Variants in RBM24 observed in about 807,000 individuals in gnomAD.
RBM24 encodes the protein RNA binding motif protein 24.
RBM24 carries 5 observed loss-of-function variants against 23.6 expected under a neutral mutation model. The ratio of observed to expected loss-of-function variants is 0.21; its 90% CI spans 0.11 to 0.45. The LOEUF (loss-of-function observed/expected upper bound fraction) is 0.45. Ranked by LOEUF, RBM24 falls within the 20% of genes least tolerant of loss-of-function variation. RBM24 has a pLI of 0.99. For missense variants in RBM24, 252 were observed against 314.6 expected (o/e 0.80, Z 1.51); for synonymous variants, 151 against 129.5 (o/e 1.17, Z -1.13).
intron 2 of RBM24, 30 bp downstream of exon 2, chr6:17,282,958 T>C: frequency 6.6e-7 from 1 of 1,523,800 alleles, no homozygotes; most frequent in Non-Finnish European, 9.1e-7. Context: ...CCTACCCCCC[T>C]CTCCAAGAAC....
At chr6:17,284,787 A>T (rs1399454138) in intron 3 of RBM24, 76 bp downstream of exon 3, 1 of 1,069,248 alleles carries the variant, frequency 9.4e-7, no homozygotes, top group East Asian at 2.5e-5. Flanking sequence ...TTATATACAG[A>T]TAAGATCATG....
Position 17,281,445 on chromosome 6 carries a change from C to A in RBM24, c.-137C>A, listed in dbSNP as rs1760009496. On this transcript the variant is annotated 5_prime_UTR_variant, in exon 1 of 4. Coordinates refer to ENST00000379052, the MANE Select transcript of RBM24 (RefSeq NM_001143942.2). This position sits in a 1 kb window ranked among gnomAD's most constrained non-coding sequence, Gnocchi z 7.1. The stretch of plus-strand genomic sequence containing the variant: ...CGGCCGCTCGCCCCCGCCGCGCCGC[C>A]GCCCTCGCCCCCGGGCTCGCCCTTG... 3 of 558,036 alleles carry A rather than the reference C, an allele frequency of 5.4e-6. No homozygotes were observed. Among genetic ancestry groups the A allele is most frequent in the Non-Finnish European group, 6.9e-6 (3 of 436,398 alleles). 34.6% of individuals were successfully genotyped at this position (558,036 alleles called of 1,614,324 possible).
chr6:17,284,717 T>C lies in RBM24; in HGVS notation c.347+6T>C. 3 of 1,609,058 alleles carry C rather than the reference T, an allele frequency of 1.9e-6. No homozygotes were observed. Among genetic ancestry groups the C allele is most frequent in the Non-Finnish European group, 8.5e-7 (1 of 1,177,420 alleles). On this transcript the variant is annotated splice_donor_region_variant and intron_variant, in intron 3 of 3. Transcript: ENST00000379052. ...CTTATACAAAGACCTTTCGGGTAAG[T>C]TGATTAATCAGGCTTTCTTAAGTTT...
intron 3 of RBM24, chr6:17,289,963 G>C (rs1760305346): frequency 7.8e-7 from 1 of 1,289,154 alleles, no homozygotes; most frequent in East Asian, 5.6e-5. Context: ...GTGTGTGCAT[G>C]ACCACGCGCC....
chr6:17,291,953 C>G lies in RBM24; in HGVS notation c.545C>G (p.Pro182Arg). Reference sequence around the variant, plus strand: ...GACCAGTACCCCTATGCAGCCTCTCCAGCTGCTGCAGGATATGTTACTGCT... The same window carrying G: ...GACCAGTACCCCTATGCAGCCTCTCGAGCTGCTGCAGGATATGTTACTGCT... Reference protein sequence around the residue: ...AYDQYPYAASPAAAGYVTAGG... With the variant: ...AYDQYPYAASRAAAGYVTAGG... The change falls in exon 4 of 4, where the codon CCA (proline) becomes CGA (arginine). Residue 182 changes from proline (P) to arginine (R), a missense_variant. Coordinates refer to ENST00000379052, the MANE Select transcript of RBM24 (RefSeq NM_001143942.2). The G allele has an allele frequency of 6.2e-7, 1 of 1,612,348 alleles. No individual in the cohort carries two copies. The highest frequency in any genetic ancestry group is 8.5e-7 in the Non-Finnish European group (1 of 1,179,610).
chr6:17,284,781 A>G (rs1581430612), intron 3 of RBM24, 70 bp downstream of exon 3: 3 of 1,142,768 alleles, frequency 2.6e-6, no homozygotes, highest in South Asian at 2.9e-5. Flanking sequence ...TCTTTGTTAT[A>G]TACAGATAAG....
rs536730271 is a variant in RBM24, at chr6:17,290,906, G to A, written c.348-850G>A. 8.6e-6 allele frequency: 11 copies of A among 1,284,254 alleles called. No homozygotes were observed. The African/African-American group carries it at 1.1e-4, about 12-fold the overall frequency. 79.6% of individuals were successfully genotyped at this position (1,284,254 alleles called of 1,614,324 possible). A position where few individuals can be genotyped will look rare whatever the true frequency, so the allele number is the denominator to read the frequency against. ...GATAGTCAAACAGGTTTGGTTGACC[G>A]TTGTGTCCTTATGAATTTTATGGGG... is the stretch of plus-strand genomic sequence containing the variant. On this transcript the variant is annotated intron_variant, in intron 3 of 3. Coordinates refer to ENST00000379052, the MANE Select transcript of RBM24 (RefSeq NM_001143942.2).
At position 17,281,863 on chromosome 6, in the gene RBM24, G is replaced by T; in HGVS notation, c.168+114G>T. 7.1e-7 allele frequency: 1 copy of T among 1,412,152 alleles called. No individual in the cohort carries two copies. Among genetic ancestry groups the T allele is most frequent in the Admixed American group, 2.3e-5 (1 of 43,706 alleles). 87.5% of individuals were successfully genotyped at this position (1,412,152 alleles called of 1,614,324 possible). A position where few individuals can be genotyped will look rare whatever the true frequency, so the allele number is the denominator to read the frequency against. Reference sequence around the variant, plus strand: ...ACCCGTGAGGAGCCCCGCGGGTAGAGCGGCGCTGCCCCTTCGCTCCGGGGT... The same window carrying T: ...ACCCGTGAGGAGCCCCGCGGGTAGATCGGCGCTGCCCCTTCGCTCCGGGGT... On this transcript the variant is annotated intron_variant, in intron 1 of 3. Transcript: ENST00000379052. The surrounding 1 kb of genome is among the most constrained non-coding windows in gnomAD (Gnocchi z 7.1).
chr6:17,287,296 G>A (rs1177064534), intron 3 of RBM24, among the ~76,000 whole-genome samples: 1 of 152,192 alleles, frequency 6.6e-6, no homozygotes, highest in Non-Finnish European at 1.5e-5. Context: ...TAACTGAACT[G>A]TTCCTTTGAA....
Position 17,281,633 on chromosome 6 carries a change from C to T in RBM24, c.52C>T (p.Leu18=). Residue 18 remains leucine (L), a synonymous_variant, in exon 1 of 4, where the codon CTG becomes TTG. Coordinates refer to ENST00000379052, the MANE Select transcript of RBM24 (RefSeq NM_001143942.2). The surrounding 1 kb of genome is among the most constrained non-coding windows in gnomAD (Gnocchi z 7.1). ...GTACACCAAGATCTTCGTCGGGGGG[C>T]TGCCCTACCACACCACCGACGCCAG... ...TTYTKIFVGG[L]PYHTTDASLR... The T allele has an allele frequency of 6.5e-7, 1 of 1,549,442 alleles. No individual in the cohort carries two copies. Among genetic ancestry groups the T allele is most frequent in the South Asian group, 1.2e-5 (1 of 83,972 alleles).
chr6:17,292,220 A>G lies in RBM24; in HGVS notation c.*101A>G, dbSNP rs1760391889. 2.6e-6 allele frequency: 3 copies of G among 1,132,340 alleles called. No individual in the cohort carries two copies. Among genetic ancestry groups the G allele is most frequent in the Non-Finnish European group, 3.6e-6 (3 of 828,614 alleles). The allele number at this position is 1,132,340 out of a possible 1,614,324, so 70.1% of individuals were successfully genotyped here. A position where few individuals can be genotyped will look rare whatever the true frequency, so the allele number is the denominator to read the frequency against. ...GTTAACATTGACTTAACAGCTTTAAAAAAAAAAACAGCCATGCTATTGTGA... is the reference window on the plus strand; with the variant it reads ...GTTAACATTGACTTAACAGCTTTAAGAAAAAAAACAGCCATGCTATTGTGA... On this transcript the variant is annotated 3_prime_UTR_variant, in exon 4 of 4. Coordinates refer to ENST00000379052, the MANE Select transcript of RBM24 (RefSeq NM_001143942.2).
At position 17,293,747 on chromosome 6, in the gene RBM24, C is replaced by T. The variant is rs961046466; in HGVS notation, c.*1628C>T. On this transcript the variant is annotated 3_prime_UTR_variant, in exon 4 of 4. Coordinates refer to ENST00000379052, the MANE Select transcript of RBM24 (RefSeq NM_001143942.2). Reference sequence around the variant, plus strand: ...TGGATTTACTTTAAGTATTCCCATACTAGACAGTGTTATGTAATGTAGACA... The same window carrying T: ...TGGATTTACTTTAAGTATTCCCATATTAGACAGTGTTATGTAATGTAGACA... 1.3e-5 allele frequency: 2 copies of T among 152,598 alleles called. No homozygotes were observed. Among genetic ancestry groups the T allele is most frequent in the African/African-American group, 2.4e-5 (1 of 41,442 alleles). 9.5% of individuals were successfully genotyped at this position (152,598 alleles called of 1,614,324 possible).
Position 17,281,896 on chromosome 6 carries a change from A to G in RBM24, c.168+147A>G, listed in dbSNP as rs1760027885. 1 of 1,363,678 alleles carries G rather than the reference A, an allele frequency of 7.3e-7. No homozygotes were observed. The highest frequency in any genetic ancestry group is 9.9e-7 in the Non-Finnish European group (1 of 1,006,442). 84.5% of individuals were successfully genotyped at this position (1,363,678 alleles called of 1,614,324 possible). A position where few individuals can be genotyped will look rare whatever the true frequency, so the allele number is the denominator to read the frequency against. On this transcript the variant is annotated intron_variant, in intron 1 of 3. Coordinates refer to ENST00000379052, the MANE Select transcript of RBM24 (RefSeq NM_001143942.2). This position sits in a 1 kb window ranked among gnomAD's most constrained non-coding sequence, Gnocchi z 7.1. ...GCCCCTTCGCTCCGGGGTGAACTGA[A>G]ACTTTGCTAGGGGAGAGGGTCGGCG... is the stretch of plus-strand genomic sequence containing the variant.
chr6:17,292,201 A>G lies in RBM24; in HGVS notation c.*82A>G. ...TTTAGTAGCTAATAAGAGAGTTAAC[A>G]TTGACTTAACAGCTTTAAAAAAAAA... On this transcript the variant is annotated 3_prime_UTR_variant, in exon 4 of 4. Coordinates refer to ENST00000379052, the MANE Select transcript of RBM24 (RefSeq NM_001143942.2). 7.6e-7 allele frequency: 1 copy of G among 1,316,698 alleles called. No individual in the cohort carries two copies. The highest frequency in any genetic ancestry group is 1.0e-6 in the Non-Finnish European group (1 of 987,082). The allele number at this position is 1,316,698 out of a possible 1,614,324, so 81.6% of individuals were successfully genotyped here. A position where few individuals can be genotyped will look rare whatever the true frequency, so the allele number is the denominator to read the frequency against.
At chr6:17,284,526 C>A in intron 2 of RBM24, 131 bp from the exon 3 acceptor site, 1 of 622,694 alleles carries the variant, frequency 1.6e-6, no homozygotes, top group Non-Finnish European at 2.8e-6. Flanking sequence ...AATATACATA[C>A]ATATAGTTTC....
chr6:17,288,376 A>T, intron 3 of RBM24: 1 of 985,414 alleles, frequency 1.0e-6, no homozygotes, highest in Non-Finnish European at 1.2e-6. Context: ...AAGTTGACCT[A>T]GGTTTTAAAG....
chr6:17,291,651 C>A (rs909926742), intron 3 of RBM24, 105 bp from the exon 4 acceptor site: 4 of 1,256,362 alleles, frequency 3.2e-6, no homozygotes, highest in Non-Finnish European at 4.5e-6. Context: ...TTGTGGCAAC[C>A]CTATGCTCAT....
At chr6:17,283,030 G>A in intron 2 of RBM24, 102 bp downstream of exon 2, 7 of 811,998 alleles carry the variant, frequency 8.6e-6, no homozygotes, top group Non-Finnish European at 1.4e-5. Flanking sequence ...CTGTAGATGT[G>A]TTTAGTAAAC....
chr6:17,292,080 G>C lies in RBM24; in HGVS notation c.672G>C (p.Gln224His), dbSNP rs1478050290. 1 of 1,576,150 alleles carries C rather than the reference G, an allele frequency of 6.3e-7. No individual in the cohort carries two copies. Residue 224 changes from glutamine to histidine, a missense_variant, in exon 4 of 4, where the codon CAG becomes CAC. Gln to His is a conservative substitution (Grantham distance 24). Coordinates refer to ENST00000379052, the MANE Select transcript of RBM24 (RefSeq NM_001143942.2). ...AAAAAAAAFGQYQPQQLQTDR... is the reference protein window; with the variant it reads ...AAAAAAAAFGHYQPQQLQTDR... Reference sequence around the variant, plus strand: ...CTGCTGCCGCTGCAGCATTTGGCCAGTACCAGCCTCAGCAGCTGCAGACAG... The same window carrying C: ...CTGCTGCCGCTGCAGCATTTGGCCACTACCAGCCTCAGCAGCTGCAGACAG...
Sources: gnomAD v4.1 joint callset for allele counts (sites outside exome capture counted in the v4.1 genomes callset) on GRCh38, gnomAD v4.1.1 for gene constraint, Gnocchi (gnomAD v3.1) non-coding constraint, MANE v1.5 for transcripts, NCBI Gene and HGNC (gene_info 2026-07-23, HGNC 2026-07-21) for gene names.